Variants in MSI2 observed in about 807,000 individuals in gnomAD.
The protein encoded by MSI2 is musashi RNA binding protein 2, also known as RNA-binding protein Musashi homolog 2.
In MSI2, 17 loss-of-function variants were observed where a neutral mutation model predicts 45.6. That is an observed-to-expected ratio of 0.37 (90% CI 0.26 to 0.56). MSI2 has a LOEUF of 0.56. Ranked by LOEUF, MSI2 falls within the 20% of genes least tolerant of loss-of-function variation. The probability of loss-of-function intolerance (pLI) is 0.77; values close to 1 mark genes in which losing one functional copy is unlikely to be tolerated. For missense variants in MSI2, 293 were observed against 444.2 expected, an observed-to-expected ratio of 0.66 and a Z score of 3.06; for synonymous variants, 156 against 158.2, an observed-to-expected ratio of 0.99 and a Z score of 0.11.
intron 7 of MSI2, among the ~76,000 whole-genome samples, chr17:57,564,077 T>C (rs1194507599): frequency 6.6e-6 from 1 of 152,206 alleles, no homozygotes; most frequent in Admixed American, 6.5e-5. Context: ...CAGCTGATAC[T>C]GTTGTGCTCA....
chr17:57,368,570 A>C (rs1352296739), intron 5 of MSI2, among the ~76,000 whole-genome samples: 3 of 152,198 alleles, frequency 2.0e-5, no homozygotes, highest in Non-Finnish European at 4.4e-5. Context: ...AAACAAAAAC[A>C]AAAAAGTCTC....
At chr17:57,272,474 A>G (rs1908460376) in intron 5 of MSI2, among the ~76,000 whole-genome samples, 1 of 152,224 alleles carries the variant, frequency 6.6e-6, no homozygotes, top group South Asian at 2.1e-4. Flanking sequence ...GTTGGTGTAC[A>G]GATCCCGCCC....
intron 5 of MSI2, among the ~76,000 whole-genome samples, chr17:57,285,553 T>G (rs1598071647): frequency 6.6e-6 from 1 of 152,158 alleles, no homozygotes; most frequent in African/African-American, 2.4e-5. Context: ...GGCTGGGGTG[T>G]GGGGAAAGTA....
chr17:57,375,600 G>A (rs1259383339), intron 5 of MSI2, among the ~76,000 whole-genome samples: 1 of 152,144 alleles, frequency 6.6e-6, no homozygotes, highest in African/African-American at 2.4e-5. Context: ...GGAGGAGGAG[G>A]AGATGATGAT....
chr17:57,268,705 G>A (rs145892203), intron 5 of MSI2, among the ~76,000 whole-genome samples: 5,470 of 151,914 alleles, frequency 0.036, 152 homozygotes, highest in African/African-American at 0.067. Context: ...GCATGGTGGC[G>A]GGCACCTGTA....
chr17:57,374,786 A>T (rs996522579), intron 5 of MSI2, among the ~76,000 whole-genome samples: 7 of 152,228 alleles, frequency 4.6e-5, no homozygotes, highest in Non-Finnish European at 1.0e-4. Context: ...CTCATAAATA[A>T]AAATAAATAA....
In MSI2 at chr17:57,644,773, G is replaced by A. The variant is rs190255792; in HGVS notation, c.728-7326G>A. Reference sequence around the variant, plus strand: ...AAAATTGTTTCATAATGGACCATTCGGGGCCGGTGATGCATATTACAAAAG... The same window carrying A: ...AAAATTGTTTCATAATGGACCATTCAGGGCCGGTGATGCATATTACAAAAG... On this transcript the variant is annotated intron_variant, in intron 10 of 13. Coordinates refer to ENST00000284073, the MANE Select transcript of MSI2 (RefSeq NM_138962.4). 3.1e-4 allele frequency among the ~76,000 whole-genome samples: 47 copies of A among 152,156 alleles called. 1 individual carries two copies. The highest frequency in any genetic ancestry group is 4.3e-4 in the Non-Finnish European group (29 of 68,016).
At chr17:57,536,983 G>T (rs370288090) in intron 7 of MSI2, among the ~76,000 whole-genome samples, 40 of 152,298 alleles carry the variant, frequency 2.6e-4, no homozygotes, top group East Asian at 1.3e-3. Flanking sequence ...GGTGAGAATG[G>T]GGTAGAAACT....
At chr17:57,641,293 C>A (rs1009812025) in intron 10 of MSI2, among the ~76,000 whole-genome samples, 3 of 152,096 alleles carry the variant, frequency 2.0e-5, no homozygotes, top group Non-Finnish European at 4.4e-5. Flanking sequence ...CAAAAAAAGT[C>A]GGAGCGCTCA....
intron 5 of MSI2, among the ~76,000 whole-genome samples, chr17:57,311,059 T>A (rs1191920392): frequency 1.3e-5 from 2 of 152,262 alleles, no homozygotes. Context: ...GTCAAATTCC[T>A]GTAGTGCCCA....
At chr17:57,421,264 C>T (rs1168895827) in intron 6 of MSI2, among the ~76,000 whole-genome samples, 1 of 152,168 alleles carries the variant, frequency 6.6e-6, no homozygotes, top group African/African-American at 2.4e-5. Flanking sequence ...GCAGTCCCCT[C>T]ACCCTCTGTC....
chr17:57,278,218 A>G (rs1909049551), intron 5 of MSI2: 1 of 152,458 alleles, frequency 6.6e-6, no homozygotes, highest in Admixed American at 6.5e-5. Context: ...AGAAAAAGAA[A>G]GAAAACATTT....
intron 5 of MSI2, among the ~76,000 whole-genome samples, chr17:57,277,112 G>A (rs950547235): frequency 6.8e-6 from 1 of 146,280 alleles, no homozygotes; most frequent in Non-Finnish European, 1.5e-5. Context: ...CTGGAGTGCA[G>A]TAGCAGGATC....
chr17:57,390,401 A>G (rs530386948), intron 5 of MSI2, among the ~76,000 whole-genome samples: 47 of 152,160 alleles, frequency 3.1e-4, no homozygotes, highest in Non-Finnish European at 6.2e-4. Context: ...CCTTGAACCA[A>G]TGAGATCCCT....
At chr17:57,526,408 T>TGTGTGTGTGTGA (rs1176865306) in intron 6 of MSI2, among the ~76,000 whole-genome samples, 7 of 118,532 alleles carry the variant, frequency 5.9e-5, no homozygotes, top group African/African-American at 1.6e-4. Context: ...TGTGTGTGTG[T>TGTGTGTGTGTGA]GACAGAGAGA....
intron 6 of MSI2, among the ~76,000 whole-genome samples, chr17:57,475,645 C>A (rs1172083114): frequency 1.3e-5 from 2 of 152,010 alleles, no homozygotes; most frequent in African/African-American, 4.8e-5. Flanking sequence ...TTAATTGGTA[C>A]CAAAAATGTC....
At position 57,675,010 on chromosome 17, in the gene MSI2, A is replaced by G; in HGVS notation, c.829A>G (p.Asn277Asp). Reference sequence around the variant, plus strand: ...GCGGCCCGGAGGCTTCCCGGGGGCCAACAGCCCAGGACCTGTCGCCGATCT... The same window carrying G: ...GCGGCCCGGAGGCTTCCCGGGGGCCGACAGCCCAGGACCTGTCGCCGATCT... ...PARPGGFPGA[N>D]SPGPVADLYG... The change falls in exon 12 of 14, where the codon AAC becomes GAC. Residue 277 changes from asparagine to aspartate, a missense_variant. Coordinates refer to ENST00000284073, the MANE Select transcript of MSI2 (RefSeq NM_138962.4). The G allele has an allele frequency of 6.2e-7, 1 of 1,613,718 alleles. No individual in the cohort carries two copies. The highest frequency in any genetic ancestry group is 8.5e-7 in the Non-Finnish European group (1 of 1,179,870).
At chr17:57,677,753 A>C (rs1043764217) in intron 13 of MSI2, among the ~76,000 whole-genome samples, 3 of 152,152 alleles carry the variant, frequency 2.0e-5, no homozygotes, top group African/African-American at 7.2e-5. Context: ...TTAATTAAAC[A>C]TTTTTTCAAT....
intron 6 of MSI2, among the ~76,000 whole-genome samples, chr17:57,500,205 A>C (rs998200334): frequency 3.3e-5 from 5 of 152,138 alleles, no homozygotes; most frequent in African/African-American, 1.2e-4. Context: ...ACTCAAAGCC[A>C]GAGAGGTAAA....
Sources: gnomAD v4.1 joint callset for allele counts (sites outside exome capture counted in the v4.1 genomes callset) on GRCh38, gnomAD v4.1.1 for gene constraint, MANE v1.5 for transcripts, NCBI Gene and HGNC (gene_info 2026-07-23, HGNC 2026-07-21) for gene names.